Variants in BORCS5 observed in about 807,000 individuals in gnomAD.
BORCS5 encodes the protein BLOC-1-related complex subunit 5.
A neutral mutation model predicts 22.1 loss-of-function variants in BORCS5; 17 were observed. The ratio of observed to expected loss-of-function variants is 0.77; its 90% CI spans 0.53 to 1.15. The LOEUF is 1.15. BORCS5 is among the 50% of genes most tolerant of loss of function. The pLI, the probability that BORCS5 is intolerant of heterozygous loss-of-function variation, is 0.00. For missense variants in BORCS5, 247 were observed against 253.2 expected (o/e 0.98, Z 0.17); for synonymous variants, 117 against 99.8 (o/e 1.17, Z -1.03).
At chr12:12,374,628 CAAATAAAATA>C (rs77162518) in intron 2 of BORCS5, among the ~76,000 whole-genome samples, 9 of 150,008 alleles carry the variant, frequency 6.0e-5, no homozygotes, top group African/African-American at 2.2e-4. Flanking sequence ...GACCCTGTCT[CAAATAAAATA>C]AAATAAAATA....
intron 2 of BORCS5, among the ~76,000 whole-genome samples, chr12:12,365,183 A>G (rs1380004843): frequency 1.3e-5 from 2 of 152,092 alleles, no homozygotes; most frequent in African/African-American, 2.4e-5. Context: ...AGTAAGGAGC[A>G]GATTATAGGA....
rs555181685 is a variant in BORCS5, at chr12:12,470,553, G to A, written c.*4777G>A. ...AATGCCTGATGATCTGAGATGGAAC[G>A]GTTTCATCCAGAAACCATCCCCCTG... is the stretch of plus-strand genomic sequence containing the variant. On this transcript the variant is annotated 3_prime_UTR_variant, in exon 4 of 4. Coordinates refer to ENST00000314565, the MANE Select transcript of BORCS5 (RefSeq NM_058169.6). Among the ~76,000 whole-genome samples, 6 of 152,158 alleles carry A rather than the reference G, an allele frequency of 3.9e-5. No homozygotes were observed. The highest frequency in any genetic ancestry group is 9.6e-5 in the African/African-American group (4 of 41,496).
intron 2 of BORCS5, among the ~76,000 whole-genome samples, 170 bp from the exon 3 acceptor site, chr12:12,435,458 A>G (rs1349142155): frequency 1.3e-5 from 2 of 152,260 alleles, no homozygotes; most frequent in African/African-American, 4.8e-5. Context: ...TGCTTGGCAC[A>G]TAACAGATGC....
intron 2 of BORCS5, among the ~76,000 whole-genome samples, chr12:12,431,678 G>A (rs948153166): frequency 3.9e-5 from 6 of 151,924 alleles, no homozygotes; most frequent in African/African-American, 1.5e-4. Context: ...GGGATTACAG[G>A]CGTGAGCCAC....
chr12:12,435,231 A>G (rs1181257490), intron 2 of BORCS5, among the ~76,000 whole-genome samples: 1 of 152,192 alleles, frequency 6.6e-6, no homozygotes, highest in African/African-American at 2.4e-5. Flanking sequence ...CACATTTTCA[A>G]TTAATAAGGG....
At chr12:12,439,903 C>T (rs1942648185) in intron 3 of BORCS5, among the ~76,000 whole-genome samples, 1 of 152,140 alleles carries the variant, frequency 6.6e-6, no homozygotes, top group African/African-American at 2.4e-5. Context: ...TTAGTCACTT[C>T]CAAATGAGTA....
At chr12:12,378,919 A>G (rs994835977) in intron 2 of BORCS5, among the ~76,000 whole-genome samples, 2 of 150,378 alleles carry the variant, frequency 1.3e-5, no homozygotes, top group African/African-American at 4.9e-5. Context: ...CTCCCAGCTA[A>G]TATTTTTAAT....
intron 2 of BORCS5, among the ~76,000 whole-genome samples, chr12:12,409,349 C>A (rs1320732240): frequency 2.0e-5 from 3 of 151,972 alleles, no homozygotes; most frequent in Non-Finnish European, 4.4e-5. Context: ...TTAGGTATAT[C>A]TCCAAATGCT....
intron 2 of BORCS5, among the ~76,000 whole-genome samples, chr12:12,377,979 AAT>A (rs1472439699): frequency 6.6e-6 from 1 of 152,244 alleles, no homozygotes; most frequent in Admixed American, 6.5e-5. Flanking sequence ...GTGGGAAAAT[AAT>A]ATGTTGCATG....
At position 12,414,565 on chromosome 12, in the gene BORCS5, C is replaced by T. The variant is rs1941865081; in HGVS notation, c.203-21063C>T. On this transcript the variant is annotated intron_variant, in intron 2 of 3. Coordinates refer to ENST00000314565, the MANE Select transcript of BORCS5 (RefSeq NM_058169.6). ...GCGGCTGGCCGGGCGGGGGGCTGAC[C>T]CCCCCACCTCCCTCCTGGACGGGGC... 2.3e-5 allele frequency among the ~76,000 whole-genome samples: 2 copies of T among 86,360 alleles called. 1 individual carries two copies. The highest frequency in any genetic ancestry group is 5.8e-4 in the South Asian group (2 of 3,448). The allele number at this position is 86,360 out of a possible 152,430, so 56.7% of individuals were successfully genotyped here.
intron 2 of BORCS5, among the ~76,000 whole-genome samples, chr12:12,416,258 CT>C (rs1296669801): frequency 1.3e-5 from 2 of 151,702 alleles, no homozygotes; most frequent in Non-Finnish European, 2.9e-5. Flanking sequence ...TTTTGTTTAT[CT>C]TTTTAAAGAA....
At chr12:12,438,374 A>AAAAAAAAAAAC (rs1555156024) in intron 3 of BORCS5, among the ~76,000 whole-genome samples, 10 of 125,062 alleles carry the variant, frequency 8.0e-5, no homozygotes, top group Admixed American at 2.4e-4. Flanking sequence ...AAAAAAAAAA[A>AAAAAAAAAAAC]AAAAAACGAA....
intron 2 of BORCS5, among the ~76,000 whole-genome samples, chr12:12,384,054 T>C (rs1211343636): frequency 2.0e-5 from 3 of 151,408 alleles, no homozygotes; most frequent in Non-Finnish European, 4.4e-5. Flanking sequence ...GCTATTGAGT[T>C]GCCCCAGTGA....
At chr12:12,368,265 A>G (rs896742478) in intron 2 of BORCS5, among the ~76,000 whole-genome samples, 8 of 147,914 alleles carry the variant, frequency 5.4e-5, no homozygotes, top group Non-Finnish European at 1.0e-4. Context: ...CTCCCCACCC[A>G]GTGGTATTCT....
Position 12,357,408 on chromosome 12 carries a change from AC to A in BORCS5, c.-42del, listed in dbSNP as rs1264646607. 6.3e-7 allele frequency: 1 copy of A among 1,591,670 alleles called. No individual in the cohort carries two copies. The highest frequency in any genetic ancestry group is 2.3e-5 in the East Asian group (1 of 44,156). Reference sequence around the variant, plus strand: ...CCTGTCGCCCGCCGCCGGAGCGGTGACCGCCCGGCCCGCCGTTCTTCTGCTG... The same window carrying A: ...CCTGTCGCCCGCCGCCGGAGCGGTGACGCCCGGCCCGCCGTTCTTCTGCTG... On this transcript the variant is annotated 5_prime_UTR_variant, in exon 1 of 4. Transcript: ENST00000314565.
At chr12:12,377,784 C>A (rs7136930) in intron 2 of BORCS5, among the ~76,000 whole-genome samples, 1 of 151,912 alleles carries the variant, frequency 6.6e-6, no homozygotes, top group Non-Finnish European at 1.5e-5. Flanking sequence ...TAAGAGAAAG[C>A]ATATTTAGAG....
At chr12:12,429,285 G>C (rs532076444) in intron 2 of BORCS5, among the ~76,000 whole-genome samples, 1 of 152,150 alleles carries the variant, frequency 6.6e-6, no homozygotes, top group Non-Finnish European at 1.5e-5. Context: ...CTATCAATAC[G>C]AGAGGGAGAT....
At chr12:12,388,503 T>C (rs1431160887) in intron 2 of BORCS5, among the ~76,000 whole-genome samples, 3 of 151,532 alleles carry the variant, frequency 2.0e-5, no homozygotes, top group Non-Finnish European at 4.4e-5. Flanking sequence ...AATCTCATTA[T>C]AATATCCACT....
At chr12:12,423,168 A>AT (rs1358011267) in intron 2 of BORCS5, among the ~76,000 whole-genome samples, 1 of 151,112 alleles carries the variant, frequency 6.6e-6, no homozygotes, top group African/African-American at 2.4e-5. Context: ...CGCCTGGCTA[A>AT]TTTTTTTGTA....
Sources: allele counts gnomAD v4.1 joint callset (sites outside exome capture counted in the v4.1 genomes callset), GRCh38; gene constraint gnomAD v4.1.1; transcripts MANE v1.5; gene names NCBI Gene and HGNC (gene_info 2026-07-23, HGNC 2026-07-21).